Variants in CNTN1 observed in about 807,000 individuals in gnomAD.
The protein encoded by CNTN1 is contactin-1.
A neutral mutation model predicts 126.4 loss-of-function variants in CNTN1; 38 were observed. The observed-to-expected ratio is 0.30, with a 90% confidence interval of 0.23 to 0.39. The LOEUF is 0.39. Among genes scored for constraint, CNTN1 ranks in the 10% least tolerant of loss-of-function variants. CNTN1 has a pLI of 1.00. For synonymous variants in CNTN1, 413 were observed against 422.6 expected, an observed-to-expected ratio of 0.98 and a Z score of 0.28; for missense variants, 1,009 against 1,248.4, an observed-to-expected ratio of 0.81 and a Z score of 2.89.
intron 1 of CNTN1, among the ~76,000 whole-genome samples, chr12:40,906,094 AC>A (rs1275743851): frequency 6.6e-6 from 1 of 151,896 alleles, no homozygotes; most frequent in African/African-American, 2.4e-5. Context: ...ACACGGTGAA[AC>A]CCCGTCTCTA....
intron 23 of CNTN1, among the ~76,000 whole-genome samples, chr12:41,039,929 C>A (rs1172779157): frequency 6.6e-6 from 1 of 152,102 alleles, no homozygotes; most frequent in Non-Finnish European, 1.5e-5. Flanking sequence ...ACTCAACTCT[C>A]AACTCAAAAT....
intron 1 of CNTN1, among the ~76,000 whole-genome samples, chr12:40,852,911 A>G (rs1942772585): frequency 1.3e-5 from 2 of 151,668 alleles, no homozygotes; most frequent in Admixed American, 1.3e-4. Flanking sequence ...TCCTGAGAGA[A>G]TTTGATCTAG....
rs1423194695 is a variant in CNTN1, at chr12:40,930,044, C to T, written c.703+42C>T. 6 of 1,376,676 alleles carry T rather than the reference C, an allele frequency of 4.4e-6. No homozygotes were observed. In the South Asian group the frequency reaches 6.9e-5, roughly 16 times the overall value. The allele number at this position is 1,376,676 out of a possible 1,614,324, so 85.3% of individuals were successfully genotyped here. ...TTACACTCTGTTTTCGCAAGGTTAT[C>T]TACATATGGTATACTTACCGTAATG... On this transcript the variant is annotated intron_variant, in intron 7 of 23. Transcript: ENST00000551295.
chr12:40,980,588 A>G, intron 15 of CNTN1, among the ~76,000 whole-genome samples: 1 of 152,302 alleles, frequency 6.6e-6, no homozygotes, highest in African/African-American at 2.4e-5. Context: ...GAATTCATTA[A>G]ATCATGCTAT....
At position 40,842,057 on chromosome 12, in the gene CNTN1, G is replaced by C. The variant is rs145904893; in HGVS notation, c.-76-66300G>C. Among the ~76,000 whole-genome samples, 457 of 151,896 alleles carry C rather than the reference G, an allele frequency of 3.0e-3. 2 individuals carry two copies. The highest frequency in any genetic ancestry group is 4.4e-3 in the Non-Finnish European group (300 of 67,868). ...ATTAGGAGAAAGTCAAATATAATTT[G>C]AAAAATAAGCCACTCATAAACCCTA... On this transcript the variant is annotated intron_variant, in intron 1 of 23. Coordinates refer to ENST00000551295, the MANE Select transcript of CNTN1 (RefSeq NM_001843.4).
intron 3 of CNTN1, among the ~76,000 whole-genome samples, chr12:40,910,961 C>T (rs774003233): frequency 1.3e-5 from 2 of 152,178 alleles, no homozygotes; most frequent in African/African-American, 4.8e-5. Context: ...TCTGTTTTCA[C>T]GCTGTTGATA....
intron 1 of CNTN1, among the ~76,000 whole-genome samples, chr12:40,822,703 G>A (rs1201789230): frequency 6.6e-6 from 1 of 151,842 alleles, no homozygotes; most frequent in Non-Finnish European, 1.5e-5. Flanking sequence ...ATCTCAGCCA[G>A]CTTTAAAAAA....
intron 4 of CNTN1, among the ~76,000 whole-genome samples, chr12:40,920,701 T>C (rs1353352130): frequency 6.6e-6 from 1 of 152,166 alleles, no homozygotes; most frequent in Non-Finnish European, 1.5e-5. Flanking sequence ...CATAGCAACA[T>C]CCTGAGAGGT....
At chr12:41,041,339 G>A (rs1423366231) in intron 23 of CNTN1, among the ~76,000 whole-genome samples, 4 of 152,076 alleles carry the variant, frequency 2.6e-5, no homozygotes, top group Non-Finnish European at 5.9e-5. Flanking sequence ...GAGGATTTTT[G>A]CATCAATGTT....
intron 4 of CNTN1, among the ~76,000 whole-genome samples, chr12:40,919,178 C>A (rs1432560820): frequency 1.3e-5 from 2 of 152,108 alleles, no homozygotes; most frequent in African/African-American, 2.4e-5. Flanking sequence ...ATATTAAGTA[C>A]ATTTAAAGAT....
intron 1 of CNTN1, among the ~76,000 whole-genome samples, chr12:40,878,097 A>T (rs1413294970): frequency 7.0e-6 from 1 of 143,102 alleles, no homozygotes; most frequent in African/African-American, 2.6e-5. Flanking sequence ...TCCTGGGTTG[A>T]AGCGATTCTC....
At chr12:40,966,965 A>G (rs1340699523) in intron 15 of CNTN1, among the ~76,000 whole-genome samples, 1 of 151,472 alleles carries the variant, frequency 6.6e-6, no homozygotes, top group Admixed American at 6.6e-5. Flanking sequence ...CGGGTCTCTT[A>G]TAATCAAACT....
chr12:40,958,188 T>C (rs143764550), intron 14 of CNTN1, among the ~76,000 whole-genome samples: 1 of 152,136 alleles, frequency 6.6e-6, no homozygotes, highest in Admixed American at 6.6e-5. Context: ...GTTATCTTAG[T>C]TAAATTACTT....
intron 1 of CNTN1, among the ~76,000 whole-genome samples, chr12:40,850,722 T>C (rs1308820408): frequency 6.6e-6 from 1 of 152,170 alleles, no homozygotes; most frequent in Non-Finnish European, 1.5e-5. Flanking sequence ...TCTATGAGAT[T>C]ATGGTTGGTG....
At chr12:41,057,906 C>T (rs1949860818) in intron 23 of CNTN1, among the ~76,000 whole-genome samples, 1 of 151,992 alleles carries the variant, frequency 6.6e-6, no homozygotes, top group Admixed American at 6.6e-5. Context: ...TTGGACTTGG[C>T]ACCCAAGTTG....
At chr12:40,988,553 C>G (rs888351613) in intron 16 of CNTN1, among the ~76,000 whole-genome samples, 1 of 152,084 alleles carries the variant, frequency 6.6e-6, no homozygotes, top group East Asian at 1.9e-4. Flanking sequence ...AACTAAAACA[C>G]AATGAATTAT....
At chr12:40,754,926 A>C (rs1426059136) in intron 1 of CNTN1, among the ~76,000 whole-genome samples, 6 of 151,922 alleles carry the variant, frequency 3.9e-5, no homozygotes, top group Non-Finnish European at 8.8e-5. Flanking sequence ...TTCTTGGTTG[A>C]GGCTGGGTGC....
chr12:40,776,635 T>C (rs1242725861), intron 1 of CNTN1, among the ~76,000 whole-genome samples: 6 of 151,734 alleles, frequency 4.0e-5, no homozygotes, highest in African/African-American at 1.2e-4. Context: ...TACTTCCTTC[T>C]TTTCTGACTT....
chr12:40,929,516 G>A (rs912019949), intron 6 of CNTN1, among the ~76,000 whole-genome samples: 3 of 151,782 alleles, frequency 2.0e-5, no homozygotes, highest in African/African-American at 4.8e-5. Context: ...TAACCTCTTC[G>A]AGTTTCACTT....
Sources: allele counts gnomAD v4.1 joint callset (sites outside exome capture counted in the v4.1 genomes callset), GRCh38; gene constraint gnomAD v4.1.1; transcripts MANE v1.5; gene names NCBI Gene and HGNC (gene_info 2026-07-23, HGNC 2026-07-21).